Variants in ZNF44 observed in about 807,000 individuals in gnomAD.
ZNF44 encodes the protein gonadotropin inducible transcription repressor-2.
A neutral mutation model predicts 11.7 loss-of-function variants in ZNF44; 9 were observed. The ratio of observed to expected loss-of-function variants is 0.77; its 90% CI spans 0.46 to 1.35. The LOEUF (loss-of-function observed/expected upper bound fraction) is 1.35. Among genes scored for constraint, ZNF44 ranks in the 40% most tolerant of loss-of-function variants. ZNF44 has a pLI of 0.00. For synonymous variants in ZNF44, 224 were observed against 242.7 expected (o/e 0.92, Z 0.72); for missense variants, 696 against 743.1 (o/e 0.94, Z 0.74).
rs55971577 is a variant in ZNF44, at chr19:12,288,774, GTATATATATATATA to G, written c.3+5904_3+5917del. 4.6e-3 allele frequency among the ~76,000 whole-genome samples: 351 copies of G among 76,820 alleles called. 19 individuals are homozygous for G. Among genetic ancestry groups the G allele is most frequent in the African/African-American group, 0.016 (174 of 11,066 alleles). 50.4% of individuals were successfully genotyped at this position (76,820 alleles called of 152,430 possible). On this transcript the variant is annotated intron_variant, in intron 1 of 3. Coordinates refer to ENST00000355684, the MANE Select transcript of ZNF44 (RefSeq NM_016264.4). The stretch of plus-strand genomic sequence containing the variant: ...CTCCGTCTCAAAAAAAAAAAAAAAT[GTATATATATATATA>G]TATATATATATATATATGAAATCAC...
chr19:12,267,048 T>C (rs113501426), downstream of ZNF44, among the ~76,000 whole-genome samples: 7 of 110,426 alleles, frequency 6.3e-5, no homozygotes, highest in African/African-American at 1.7e-4. Context: ...TTTTTCTTTT[T>C]TTTTTTTTTG....
In ZNF44 at chr19:12,273,673, A is replaced by G. The variant is rs1410580885; in HGVS notation, c.582T>C (p.Asp194=). 1 of 1,614,102 alleles carries G rather than the reference A, an allele frequency of 6.2e-7. No individual in the cohort carries two copies. The highest frequency in any genetic ancestry group is 2.2e-5 in the East Asian group (1 of 44,894). ...LRRHMVVKGG[D]GPYKCELCGK... ...CACACAATTCACATTTATAAGGTCC[A>G]TCTCCACCTTTTACTACCATATGTC... is the stretch of plus-strand genomic sequence containing the variant. The change falls in exon 4 of 4, where the codon GAT becomes GAC. Residue 194 remains aspartate, a synonymous_variant. Transcript: ENST00000355684.
intron 1 of ZNF44, among the ~76,000 whole-genome samples, chr19:12,277,100 G>A (rs1188370122): frequency 6.6e-6 from 1 of 152,126 alleles, no homozygotes. Flanking sequence ...CATACACAAA[G>A]AAACACTCTA....
chr19:12,273,617 C>G lies in ZNF44; in HGVS notation c.638G>C (p.Arg213Pro). Residue 213 changes from arginine (R) to proline (P), a missense_variant, in exon 4 of 4, where the codon CGT (arginine) becomes CCT (proline). Physicochemically the swap from Arg to Pro is moderately radical, Grantham distance 103. Transcript: ENST00000355684. ...TCCAGTGTGAGTTCTTTCATGCATA[C>G]GTAATAAACTGGGCCAAAAAAAGGC... ...GKAFFWPSLL[R>P]MHERTHTGEK... The G allele has an allele frequency of 6.2e-7, 1 of 1,614,110 alleles. No homozygotes were observed. The highest frequency in any genetic ancestry group is 8.5e-7 in the Non-Finnish European group (1 of 1,180,010).
rs998277452 is a variant in ZNF44, at chr19:12,235,374, G to A, written n.139-466C>T. Among the ~76,000 whole-genome samples the A allele has an allele frequency of 4.6e-5, 7 of 151,782 alleles. No homozygotes were observed. The East Asian group carries it at 9.7e-4, about 21-fold the overall frequency. On this transcript the variant is annotated intron_variant and non_coding_transcript_variant, in intron 1 of 3. Coordinates refer to the ZNF44 transcript ENST00000597563. ...AAAGAGCGAGACTCCGTCTCGTCTCGAAAAAAACAAAACAAAACAAAAAAA... is the reference window on the plus strand; with the variant it reads ...AAAGAGCGAGACTCCGTCTCGTCTCAAAAAAAACAAAACAAAACAAAAAAA...
chr19:12,227,165 C>T (rs1599477281), intron 3 of ZNF44, among the ~76,000 whole-genome samples: 1 of 152,216 alleles, frequency 6.6e-6, no homozygotes, highest in Non-Finnish European at 1.5e-5. Context: ...TTTAAGAGTT[C>T]TGAACGTTTT....
At chr19:12,266,304 TC>T (rs1917724341) in intron 5 of ZNF44, 1 of 985,150 alleles carries the variant, frequency 1.0e-6, no homozygotes, top group Admixed American at 6.2e-5. Flanking sequence ...TGTCCCAGCA[TC>T]CTCCTGATGG....
intron 2 of ZNF44, among the ~76,000 whole-genome samples, chr19:12,233,854 G>A (rs992276493): frequency 2.6e-5 from 4 of 152,088 alleles, no homozygotes; most frequent in Admixed American, 1.3e-4. Context: ...ATGAGGTCAG[G>A]AGTTCGAGAC....
chr19:12,241,718 G>A (rs1442555004), upstream of ZNF44, among the ~76,000 whole-genome samples: 1 of 152,004 alleles, frequency 6.6e-6, no homozygotes, highest in Non-Finnish European at 1.5e-5. Flanking sequence ...TGGAAAGCAG[G>A]GACTCAGACA....
At chr19:12,270,221 TC>T (rs1966905724), downstream of ZNF44, among the ~76,000 whole-genome samples, 2 of 152,076 alleles carry the variant, frequency 1.3e-5, no homozygotes, top group African/African-American at 2.4e-5. Flanking sequence ...ATTCCTCCTT[TC>T]AGTGGGAAGC....
chr19:12,272,681 G>A lies in ZNF44; in HGVS notation c.1574C>T (p.Thr525Ile). 6.2e-7 allele frequency: 1 copy of A among 1,613,938 alleles called. No individual in the cohort carries two copies. Among genetic ancestry groups the A allele is most frequent in the Non-Finnish European group, 8.5e-7 (1 of 1,179,932 alleles). The change falls in exon 4 of 4, where the codon ACT becomes ATT. Residue 525 changes from threonine (T) to isoleucine (I), a missense_variant. Transcript: ENST00000355684. ...TTCATATGGCTTCTCTGCCGTGTGA[G>A]TCCTTTCATGAGTTTTTAAGTAACT... ...RFSYLKTHERTHTAEKPYECK... is the reference protein window; with the variant it reads ...RFSYLKTHERIHTAEKPYECK...
At chr19:12,258,084 G>A (rs758459227) in intron 5 of ZNF44, among the ~76,000 whole-genome samples, 19 of 149,702 alleles carry the variant, frequency 1.3e-4, no homozygotes, top group Non-Finnish European at 2.2e-4. Flanking sequence ...AGCACTTTGG[G>A]AGGCTGAGGT....
At chr19:12,257,554 G>A (rs192645797) in intron 5 of ZNF44, among the ~76,000 whole-genome samples, 165 of 152,008 alleles carry the variant, frequency 1.1e-3, no homozygotes, top group African/African-American at 3.6e-3. Context: ...TTGGGAGGCC[G>A]GGGCAGGTGG....
At chr19:12,251,732 G>C (rs1469805065) in intron 5 of ZNF44, among the ~76,000 whole-genome samples, 1 of 152,130 alleles carries the variant, frequency 6.6e-6, no homozygotes, top group Non-Finnish European at 1.5e-5. Context: ...CTTGGGACTT[G>C]CTGACCTTGA....
At chr19:12,268,798 C>T (rs1333523268), downstream of ZNF44, among the ~76,000 whole-genome samples, 2 of 150,384 alleles carry the variant, frequency 1.3e-5, no homozygotes, top group Admixed American at 1.3e-4. Context: ...GGCTGGCGTG[C>T]AATGGCACAA....
At chr19:12,243,008 C>T (rs1180617004), downstream of ZNF44, among the ~76,000 whole-genome samples, 1 of 152,152 alleles carries the variant, frequency 6.6e-6, no homozygotes, top group East Asian at 1.9e-4. Context: ...AATACATGCA[C>T]TTAACAAATT....
Position 12,293,202 on chromosome 19 carries a change from AG to A in ZNF44, c.3+1489del, listed in dbSNP as rs769220897. ...TAGCTTTTTACAGGAATGATATACCAGAAGATTCCTCCCACCCCAGTGCATC... is the reference window on the plus strand; with the variant it reads ...TAGCTTTTTACAGGAATGATATACCAAAGATTCCTCCCACCCCAGTGCATC... On this transcript the variant is annotated intron_variant, in intron 1 of 3. Transcript: ENST00000355684. 8 of 1,530,448 alleles carry A rather than the reference AG, an allele frequency of 5.2e-6. No homozygotes were observed. The South Asian group carries it at 8.4e-5, about 16-fold the overall frequency. 94.8% of individuals were successfully genotyped at this position (1,530,448 alleles called of 1,614,324 possible).
intron 2 of ZNF44, among the ~76,000 whole-genome samples, chr19:12,230,891 A>G (rs1916134999): frequency 6.6e-6 from 1 of 151,832 alleles, no homozygotes; most frequent in Admixed American, 6.6e-5. Context: ...GTAGGGGAGA[A>G]GTTTATGGGG....
Position 12,282,289 on chromosome 19 carries a change from A to G in ZNF44, c.4-6207T>C, listed in dbSNP as rs142095733. On this transcript the variant is annotated intron_variant, in intron 1 of 3. Transcript: ENST00000355684. ...GGTAGACTCTTTCTCTACACACATT[A>G]GGCTTTGAAGTCTACAGGAATCAGG... Among the ~76,000 whole-genome samples, 768 of 152,232 alleles carry G rather than the reference A, an allele frequency of 5.0e-3. 4 individuals are homozygous for G. Among genetic ancestry groups the G allele is most frequent in the Middle Eastern group, 0.017 (5 of 294 alleles).
Sources: gnomAD v4.1 joint callset for allele counts (sites outside exome capture counted in the v4.1 genomes callset) on GRCh38, gnomAD v4.1.1 for gene constraint, MANE v1.5 for transcripts, NCBI Gene and HGNC (gene_info 2026-07-23, HGNC 2026-07-21) for gene names.